GALNT7: variants seen among roughly 807,000 people sequenced by gnomAD.
GALNT7 encodes N-acetylgalactosaminyltransferase 7.
Under a neutral mutation model 82.1 loss-of-function variants are expected in GALNT7, and 60 were observed. That is an observed-to-expected ratio of 0.73 (90% CI 0.59 to 0.91). GALNT7 has a LOEUF of 0.91. Among genes scored for constraint, GALNT7 ranks in the 40% least tolerant of loss-of-function variants. The pLI is 0.00. For synonymous variants in GALNT7, 243 were observed against 275.1 expected (o/e 0.88, Z 1.15); for missense variants, 660 against 804.2 (o/e 0.82, Z 2.17).
At chr4:173,209,610 C>T (rs577592897) in intron 1 of GALNT7, among the ~76,000 whole-genome samples, 1 of 152,340 alleles carries the variant, frequency 6.6e-6, no homozygotes, top group South Asian at 2.1e-4. Flanking sequence ...CTGCTAGTAC[C>T]TCCCAGTCAC....
At chr4:173,257,666 A>G (rs1735094728) in intron 2 of GALNT7, among the ~76,000 whole-genome samples, 1 of 152,140 alleles carries the variant, frequency 6.6e-6, no homozygotes, top group South Asian at 2.1e-4. Flanking sequence ...AAATGTAGCT[A>G]TTGTATAGGA....
rs962309665 is a variant in GALNT7 at position 173,286,610 on chromosome 4, T to C, written c.588-5498T>C. Among the ~76,000 whole-genome samples the C allele has an allele frequency of 3.3e-4, 50 of 152,354 alleles. 1 individual carries two copies. Among genetic ancestry groups the C allele is most frequent in the Admixed American group, 3.2e-3 (49 of 15,312 alleles). On this transcript the variant is annotated intron_variant, in intron 2 of 11. Coordinates refer to ENST00000265000, the MANE Select transcript of GALNT7 (RefSeq NM_017423.3). ...TCCTTCTTTTCTGAAGCATAGAGAC[T>C]GAATGCTTTTCCTTTGGGAAGACTG...
intron 1 of GALNT7, among the ~76,000 whole-genome samples, chr4:173,223,545 T>C: frequency 6.6e-6 from 1 of 152,120 alleles, no homozygotes; most frequent in East Asian, 1.9e-4. Flanking sequence ...TAGGAATTCC[T>C]TCACTCTTGG....
At chr4:173,316,968 A>G (rs1345147582) in intron 9 of GALNT7, 3 of 152,288 alleles carry the variant, frequency 2.0e-5, no homozygotes, top group African/African-American at 7.2e-5. Context: ...ACCTGTTATC[A>G]TTATAGGTGC....
chr4:173,233,615 C>T (rs1579937427), intron 1 of GALNT7, among the ~76,000 whole-genome samples: 1 of 152,104 alleles, frequency 6.6e-6, no homozygotes. Context: ...ATTTGGATCC[C>T]AAAGAAGAGA....
intron 2 of GALNT7, among the ~76,000 whole-genome samples, chr4:173,251,981 T>C (rs149562613): frequency 1.3e-5 from 2 of 152,328 alleles, no homozygotes; most frequent in Admixed American, 1.3e-4. Context: ...AAAAATGAGA[T>C]AGGCTTCATT....
rs771060394 is a variant in GALNT7 at position 173,168,851 on chromosome 4, G to A, written c.16G>A (p.Gly6Arg). 2.5e-6 allele frequency: 4 copies of A among 1,610,268 alleles called. 1 individual carries two copies. The South Asian group carries it at 3.3e-5, about 13-fold the overall frequency. MRLKI[G>R]FILRSLLVVG... is the part of the protein sequence containing the mutation. The stretch of plus-strand genomic sequence containing the variant: ...CCGGAGGAAGATGAGGCTGAAGATT[G>A]GGTTCATCTTACGCAGTTTGCTGGT... The change falls in exon 1 of 12, where the codon GGG (glycine) becomes AGG (arginine). Residue 6 changes from glycine (G) to arginine (R), a missense_variant. Transcript: ENST00000265000.
intron 1 of GALNT7, among the ~76,000 whole-genome samples, chr4:173,176,362 G>A (rs554803317): frequency 2.6e-5 from 4 of 152,286 alleles, no homozygotes; most frequent in Admixed American, 2.6e-4. Flanking sequence ...ATGGGGGTGT[G>A]TGGCTCTTGT....
chr4:173,254,898 C>A (rs1166438792), intron 2 of GALNT7, among the ~76,000 whole-genome samples: 2 of 152,138 alleles, frequency 1.3e-5, no homozygotes, highest in Admixed American at 6.5e-5. Flanking sequence ...AGGGGTTTTC[C>A]AGATTTACTT....
chr4:173,174,701 G>C (rs1484479868), intron 1 of GALNT7, among the ~76,000 whole-genome samples: 1 of 152,096 alleles, frequency 6.6e-6, no homozygotes, highest in Admixed American at 6.5e-5. Flanking sequence ...AATCTAGTTG[G>C]GGGTGGGGAG....
intron 1 of GALNT7, among the ~76,000 whole-genome samples, chr4:173,196,998 GTACAT>G (rs1579901376): frequency 6.7e-6 from 1 of 150,348 alleles, no homozygotes; most frequent in East Asian, 1.9e-4. Context: ...ACACCCAGAG[GTACAT>G]TTGATAGGTA....
rs1737818771 is a variant in GALNT7, at chr4:173,321,567, CTG to C, written c.1837-9_1837-8del. 2 of 1,604,110 alleles carry C rather than the reference CTG, an allele frequency of 1.2e-6. No individual in the cohort carries two copies. Among genetic ancestry groups the C allele is most frequent in the South Asian group, 1.1e-5 (1 of 90,406 alleles). ...GTCCAAATTTGAAACTTTTTTCTTA[CTG>C]TGTTTTCCAGAACCTGCACAGATTT... is the stretch of plus-strand genomic sequence containing the variant. On this transcript the variant is annotated splice_polypyrimidine_tract_variant and intron_variant, in intron 11 of 11. Transcript: ENST00000265000.
At chr4:173,212,559 T>C (rs1451133725) in intron 1 of GALNT7, among the ~76,000 whole-genome samples, 2 of 151,942 alleles carry the variant, frequency 1.3e-5, no homozygotes, top group Non-Finnish European at 2.9e-5. Flanking sequence ...ATGAAGGGAT[T>C]AACTCCACTC....
In GALNT7 at chr4:173,322,129, G is replaced by A. The variant is rs1274956919; in HGVS notation, c.*412G>A. ...GCCAGACTTTCATATATAACTTGGT[G>A]ATTATCAACCTGTTGTGTCTTTATT... On this transcript the variant is annotated 3_prime_UTR_variant, in exon 12 of 12. Coordinates refer to ENST00000265000, the MANE Select transcript of GALNT7 (RefSeq NM_017423.3). 1 of 155,448 alleles carries A rather than the reference G, an allele frequency of 6.4e-6. No homozygotes were observed. Among genetic ancestry groups the A allele is most frequent in the Non-Finnish European group, 1.4e-5 (1 of 69,692 alleles). The allele number at this position is 155,448 out of a possible 1,614,324, so 9.6% of individuals were successfully genotyped here. A position where few individuals can be genotyped will look rare whatever the true frequency, so the allele number is the denominator to read the frequency against.
chr4:173,294,243 C>T (rs533495783), intron 3 of GALNT7, among the ~76,000 whole-genome samples: 1 of 150,182 alleles, frequency 6.7e-6, no homozygotes, highest in Admixed American at 6.6e-5. Flanking sequence ...TAATTTAGGA[C>T]TGCACTGGAC....
intron 2 of GALNT7, among the ~76,000 whole-genome samples, chr4:173,266,879 GT>G (rs1735518132): frequency 8.6e-6 from 1 of 116,944 alleles, no homozygotes; most frequent in Admixed American, 8.5e-5. Flanking sequence ...GTGTGTGTGT[GT>G]GTGTGTGTGT....
chr4:173,176,028 G>A (rs901739920), intron 1 of GALNT7, among the ~76,000 whole-genome samples: 4 of 151,740 alleles, frequency 2.6e-5, no homozygotes, highest in African/African-American at 4.8e-5. Context: ...AGTGGAGCTC[G>A]CGCCACTACA....
chr4:173,229,024 C>T (rs567711530), intron 1 of GALNT7, among the ~76,000 whole-genome samples: 1 of 152,172 alleles, frequency 6.6e-6, no homozygotes, highest in Non-Finnish European at 1.5e-5. Context: ...ATTTTATTTA[C>T]TTCATATTGT....
At chr4:173,184,413 A>G (rs1732398296) in intron 1 of GALNT7, among the ~76,000 whole-genome samples, 1 of 152,082 alleles carries the variant, frequency 6.6e-6, no homozygotes, top group Non-Finnish European at 1.5e-5. Context: ...CCCGACCAAC[A>G]CGGCGAAACC....
Sources: allele counts gnomAD v4.1 joint callset (sites outside exome capture counted in the v4.1 genomes callset), GRCh38; gene constraint gnomAD v4.1.1; transcripts MANE v1.5; gene names NCBI Gene and HGNC (gene_info 2026-07-23, HGNC 2026-07-21).